OR2T12: variants seen among roughly 807,000 people sequenced by gnomAD.
The protein encoded by OR2T12 is olfactory receptor family 2 subfamily T member 12, also known as olfactory receptor 2T12.
For missense variants in OR2T12, 335 were observed against 404.3 expected (o/e 0.83, Z 1.47); for synonymous variants, 127 against 160.5 (o/e 0.79, Z 1.58).
At chr1:248,302,211 T>A (rs542943899) in intron 1 of OR2T12, among the ~76,000 whole-genome samples, 1 of 152,034 alleles carries the variant, frequency 6.6e-6, no homozygotes, top group Non-Finnish European at 1.5e-5. Context: ...ATAATGATCA[T>A]AGCAATTTTA....
At chr1:248,300,202 CA>C (rs1245446780) in intron 2 of OR2T12, among the ~76,000 whole-genome samples, 1 of 152,098 alleles carries the variant, frequency 6.6e-6, no homozygotes, top group Non-Finnish European at 1.5e-5. Flanking sequence ...CCTATAACAT[CA>C]GAAGTCTTTT....
rs569299928 is a variant in OR2T12, at chr1:248,291,868, C to T, written c.*2748G>A. 150 of 152,262 alleles carry T rather than the reference C, an allele frequency of 9.9e-4. No individual in the cohort carries two copies. Among genetic ancestry groups the T allele is most frequent in the African/African-American group, 3.3e-3 (138 of 41,552 alleles). 9.4% of individuals were successfully genotyped at this position (152,262 alleles called of 1,614,324 possible). ...TATTTAATAAATGATGTTGGGAAAA[C>T]TGGCTAGCCATATGGAGAAAACTGA... On this transcript the variant is annotated 3_prime_UTR_variant, in exon 3 of 3. Transcript: ENST00000641276.
rs1208769020 is a variant in OR2T12, at chr1:248,293,285, G to A, written c.*1331C>T. ...ACAGTTACCTTTTGAAATTCAGGTT[G>A]GTCTGAAATGGCGGGTTAACTTTCA... On this transcript the variant is annotated 3_prime_UTR_variant, in exon 3 of 3. Coordinates refer to ENST00000641276, the MANE Select transcript of OR2T12 (RefSeq NM_001004692.2). 6.6e-6 allele frequency: 1 copy of A among 151,962 alleles called. No individual in the cohort carries two copies. 9.4% of individuals were successfully genotyped at this position (151,962 alleles called of 1,614,324 possible).
At chr1:248,302,512 T>C (rs1041052105) in intron 1 of OR2T12, among the ~76,000 whole-genome samples, 1 of 152,178 alleles carries the variant, frequency 6.6e-6, no homozygotes, top group Non-Finnish European at 1.5e-5. Context: ...TAAAGCATTT[T>C]ACAAAATGTA....
intron 2 of OR2T12, among the ~76,000 whole-genome samples, chr1:248,300,843 T>C (rs950347466): frequency 6.6e-6 from 1 of 152,100 alleles, no homozygotes; most frequent in African/African-American, 2.4e-5. Flanking sequence ...CTTTTTCAGT[T>C]GGCAAAGTGT....
intron 2 of OR2T12, among the ~76,000 whole-genome samples, chr1:248,295,837 A>AT (rs1431144128): frequency 5.3e-5 from 8 of 152,008 alleles, no homozygotes; most frequent in African/African-American, 1.9e-4. Flanking sequence ...AATGAATAAA[A>AT]ATTTTTTTTT....
intron 2 of OR2T12, among the ~76,000 whole-genome samples, chr1:248,299,989 A>G (rs1426884472): frequency 2.6e-5 from 4 of 152,180 alleles, no homozygotes; most frequent in African/African-American, 9.6e-5. Flanking sequence ...GAAACCAACA[A>G]GAACAAAGAC....
Position 248,291,829 on chromosome 1 carries a change from G to C in OR2T12, c.*2787C>G, listed in dbSNP as rs1038884204. ...ACAAACCTGACAAAAACAAGCAATG[G>C]GGAAAGGATTCCCTATTTAATAAAT... On this transcript the variant is annotated 3_prime_UTR_variant, in exon 3 of 3. Coordinates refer to ENST00000641276, the MANE Select transcript of OR2T12 (RefSeq NM_001004692.2). 6 of 152,052 alleles carry C rather than the reference G, an allele frequency of 3.9e-5. No homozygotes were observed. The highest frequency in any genetic ancestry group is 1.2e-4 in the African/African-American group (5 of 41,408). 9.4% of individuals were successfully genotyped at this position (152,052 alleles called of 1,614,324 possible). A position where few individuals can be genotyped will look rare whatever the true frequency, so the allele number is the denominator to read the frequency against.
At chr1:248,295,732 C>G (rs1436537855) in intron 2 of OR2T12, 146 bp from the exon 3 acceptor site, 4 of 1,050,986 alleles carry the variant, frequency 3.8e-6, no homozygotes, top group Middle Eastern at 3.2e-4. Flanking sequence ...GTAGGCACAG[C>G]TTTTCCTGAC....
At position 248,294,252 on chromosome 1, in the gene OR2T12, A is replaced by G. The variant is rs1021030884; in HGVS notation, c.*364T>C. Reference sequence around the variant, plus strand: ...GATAGTAGGAAATTGAGTAACACTCAACAACCTTATACATTATTGGGTTAC... The same window carrying G: ...GATAGTAGGAAATTGAGTAACACTCGACAACCTTATACATTATTGGGTTAC... On this transcript the variant is annotated 3_prime_UTR_variant, in exon 3 of 3. Transcript: ENST00000641276. 3.2e-4 allele frequency: 56 copies of G among 174,988 alleles called. No individual in the cohort carries two copies. The highest frequency in any genetic ancestry group is 7.4e-5 in the Non-Finnish European group (6 of 81,450). The allele number at this position is 174,988 out of a possible 1,614,324, so 10.8% of individuals were successfully genotyped here.
At chr1:248,300,009 C>T (rs1324228933) in intron 2 of OR2T12, among the ~76,000 whole-genome samples, 1 of 152,040 alleles carries the variant, frequency 6.6e-6, no homozygotes, top group African/African-American at 2.4e-5. Flanking sequence ...CACAATATAC[C>T]AGGATCTCTG....
In OR2T12 at chr1:248,303,366, A is replaced by G. The variant is rs139475271; in HGVS notation, c.-210T>C. 22 of 152,320 alleles carry G rather than the reference A, an allele frequency of 1.4e-4. No homozygotes were observed. The highest frequency in any genetic ancestry group is 4.8e-4 in the African/African-American group (20 of 41,572). The allele number at this position is 152,320 out of a possible 1,614,324, so 9.4% of individuals were successfully genotyped here. On this transcript the variant is annotated 5_prime_UTR_variant, in exon 1 of 3. Transcript: ENST00000641276. ...CTTACCTCTTAGTACTGATCTGAAT[A>G]GTGTATATTTTCAATGAGATTGTAG...
At chr1:248,303,102 A>T (rs1339312047) in intron 1 of OR2T12, among the ~76,000 whole-genome samples, 2 of 152,128 alleles carry the variant, frequency 1.3e-5, no homozygotes, top group Non-Finnish European at 2.9e-5. Context: ...ATGCCAGGAC[A>T]TATCAAAACA....
intron 1 of OR2T12, among the ~76,000 whole-genome samples, chr1:248,303,028 G>T (rs549293115): frequency 7.6e-4 from 115 of 152,116 alleles, no homozygotes; most frequent in African/African-American, 2.6e-3. Flanking sequence ...ATCATGTCCT[G>T]TTCTCATCTG....
chr1:248,301,914 T>G (rs1019762603), intron 1 of OR2T12, among the ~76,000 whole-genome samples: 1 of 152,044 alleles, frequency 6.6e-6, no homozygotes, highest in Admixed American at 6.6e-5. Flanking sequence ...TCAGATTTTA[T>G]GACACTGTGA....
In OR2T12 at chr1:248,295,440, T is replaced by G. The variant is rs768362939; in HGVS notation, c.139A>C (p.Ile47Leu). ...LFSNALMILL[I>L]HWDHRLHRPM... is the part of the protein sequence containing the mutation. ...CTGTGGAGCCGGTGGTCCCAGTGAA[T>G]CAGGAGAATCATGAGGGCATTGCTA... The change falls in exon 3 of 3, where the codon ATT becomes CTT. Residue 47 changes from isoleucine (I) to leucine (L), a missense_variant. Coordinates refer to ENST00000641276, the MANE Select transcript of OR2T12 (RefSeq NM_001004692.2). The G allele has an allele frequency of 6.2e-7, 1 of 1,600,658 alleles. No individual in the cohort carries two copies. The highest frequency in any genetic ancestry group is 2.3e-5 in the East Asian group (1 of 44,198).
Position 248,292,466 on chromosome 1 carries a change from C to T in OR2T12, c.*2150G>A, listed in dbSNP as rs1039715358. The T allele has an allele frequency of 2.4e-4, 36 of 152,166 alleles. No individual in the cohort carries two copies. The highest frequency in any genetic ancestry group is 8.7e-4 in the African/African-American group (36 of 41,534). 9.4% of individuals were successfully genotyped at this position (152,166 alleles called of 1,614,324 possible). On this transcript the variant is annotated 3_prime_UTR_variant, in exon 3 of 3. Coordinates refer to ENST00000641276, the MANE Select transcript of OR2T12 (RefSeq NM_001004692.2). ...CTAAAAGCTTCCAGAGACAATGTAT[C>T]TTCAATATAAGTGTCTGAAAGTTAA... is the stretch of plus-strand genomic sequence containing the variant.
At chr1:248,296,170 C>A (rs1302651423) in intron 2 of OR2T12, among the ~76,000 whole-genome samples, 1 of 152,158 alleles carries the variant, frequency 6.6e-6, no homozygotes, top group Non-Finnish European at 1.5e-5. Context: ...CATGTCTCTA[C>A]AAAGGACATG....
Position 248,294,448 on chromosome 1 carries a change from T to C in OR2T12, c.*168A>G. 2 of 828,426 alleles carry C rather than the reference T, an allele frequency of 2.4e-6. No individual in the cohort carries two copies. The highest frequency in any genetic ancestry group is 2.7e-5 in the East Asian group (1 of 37,582). The allele number at this position is 828,426 out of a possible 1,614,324, so 51.3% of individuals were successfully genotyped here. A position where few individuals can be genotyped will look rare whatever the true frequency, so the allele number is the denominator to read the frequency against. On this transcript the variant is annotated 3_prime_UTR_variant, in exon 3 of 3. Coordinates refer to ENST00000641276, the MANE Select transcript of OR2T12 (RefSeq NM_001004692.2). The stretch of plus-strand genomic sequence containing the variant: ...CTTCACTTGAAGAAAAGTACATAAA[T>C]GCTCAAAAATGGTATCTGTCAATAC...
Sources: gnomAD v4.1 joint callset for allele counts (sites outside exome capture counted in the v4.1 genomes callset) on GRCh38, gnomAD v4.1.1 for gene constraint, MANE v1.5 for transcripts, NCBI Gene and HGNC (gene_info 2026-07-23, HGNC 2026-07-21) for gene names.